The following SLC29A3 variants were observed in gnomAD, a reference collection of about 807,000 sequenced individuals.
SLC29A3 encodes the protein equilibrative nucleoside transporter 3.
A neutral mutation model predicts 25.4 loss-of-function variants in SLC29A3; 18 were observed. That is an observed-to-expected ratio of 0.71 (90% CI 0.49 to 1.05). The LOEUF (loss-of-function observed/expected upper bound fraction) is 1.05, where lower values mean the gene tolerates loss of function less well. Ranked by LOEUF, SLC29A3 falls within the 50% of genes least tolerant of loss-of-function variation. SLC29A3 has a pLI of 0.00. For missense variants in SLC29A3, 586 were observed against 609.0 expected (o/e 0.96, Z 0.40); for synonymous variants, 258 against 267.1 (o/e 0.97, Z 0.33).
intron 2 of SLC29A3, among the ~76,000 whole-genome samples, chr10:71,341,830 C>T (rs1218048504): frequency 1.3e-5 from 2 of 152,216 alleles, no homozygotes; most frequent in Admixed American, 6.5e-5. Context: ...CTTCCAAGCC[C>T]ACTCCAGTTG....
intron 2 of SLC29A3, among the ~76,000 whole-genome samples, chr10:71,336,736 G>A (rs762387557): frequency 2.0e-5 from 3 of 151,866 alleles, no homozygotes; most frequent in Non-Finnish European, 2.9e-5. Flanking sequence ...CCCTTTTTGC[G>A]GAGTGGAAAG....
chr10:71,335,861 C>G (rs1484604092), intron 2 of SLC29A3, among the ~76,000 whole-genome samples: 1 of 151,984 alleles, frequency 6.6e-6, no homozygotes, highest in Non-Finnish European at 1.5e-5. Context: ...CCACCACCCC[C>G]ACCCTTACAA....
chr10:71,350,317 G>A (rs1188219767), intron 3 of SLC29A3, among the ~76,000 whole-genome samples: 1 of 122,410 alleles, frequency 8.2e-6, no homozygotes, highest in African/African-American at 5.4e-5. Context: ...ACACCTACGT[G>A]TGTGTGTGTG....
chr10:71,372,479 T>C (rs544793362), intron 3 of SLC29A3, among the ~76,000 whole-genome samples: 10 of 152,200 alleles, frequency 6.6e-5, no homozygotes, highest in Admixed American at 1.3e-4. Flanking sequence ...ACTCCCAGAG[T>C]CCCTGATTCC....
At chr10:71,352,360 G>C (rs903162440) in intron 4 of SLC29A3, among the ~76,000 whole-genome samples, 2 of 152,206 alleles carry the variant, frequency 1.3e-5, no homozygotes, top group South Asian at 2.1e-4. Flanking sequence ...CACCGTGACT[G>C]TGAGAAGGTA....
At chr10:71,355,018 C>G (rs1366730427) in intron 4 of SLC29A3, among the ~76,000 whole-genome samples, 1 of 152,210 alleles carries the variant, frequency 6.6e-6, no homozygotes, top group South Asian at 2.1e-4. Flanking sequence ...TTCGAAGGAA[C>G]AGAAAGACAT....
chr10:71,381,154 C>T (rs1847300515), exon 5 of SLC29A3: 1 of 152,202 alleles, frequency 6.6e-6, no homozygotes, highest in Non-Finnish European at 1.5e-5. Context: ...TCCAAACCCA[C>T]AGAATGTACA....
downstream of SLC29A3, among the ~76,000 whole-genome samples, chr10:71,367,050 C>A (rs550629170): frequency 2.6e-5 from 4 of 152,262 alleles, no homozygotes; most frequent in Non-Finnish European, 5.9e-5. Context: ...AGTCAGGTAG[C>A]CATAGAGCTG....
At chr10:71,330,617 C>G (rs557921776) in intron 2 of SLC29A3, among the ~76,000 whole-genome samples, 1 of 152,324 alleles carries the variant, frequency 6.6e-6, no homozygotes, top group East Asian at 1.9e-4. Context: ...GCCCACAGAC[C>G]CACCTGGCAG....
chr10:71,332,261 T>C (rs1846138447), intron 2 of SLC29A3, among the ~76,000 whole-genome samples: 1 of 151,814 alleles, frequency 6.6e-6, no homozygotes. Flanking sequence ...GTGATTCTGC[T>C]GCCTCAGCCT....
Position 71,362,761 on chromosome 10 carries a change from AGC to A in SLC29A3, c.*154_*155del. The A allele has an allele frequency of 1.1e-6, 1 of 931,176 alleles. No individual in the cohort carries two copies. Among genetic ancestry groups the A allele is most frequent in the Non-Finnish European group, 1.7e-6 (1 of 592,178 alleles). 57.7% of individuals were successfully genotyped at this position (931,176 alleles called of 1,614,324 possible). On this transcript the variant is annotated 3_prime_UTR_variant, in exon 6 of 6. Coordinates refer to ENST00000373189, the MANE Select transcript of SLC29A3 (RefSeq NM_018344.6). ...CCTCATCCCTCCCAAGATGCCAGTG[AGC>A]CACGTCCATGCCCATTCCGTGCAAG... is the stretch of plus-strand genomic sequence containing the variant.
chr10:71,367,393 C>T (rs1467103441), downstream of SLC29A3, among the ~76,000 whole-genome samples: 3 of 152,184 alleles, frequency 2.0e-5, no homozygotes, highest in Non-Finnish European at 4.4e-5. Context: ...TGTGAGTCAA[C>T]CTTCCTGAGT....
rs758148299 is a variant in SLC29A3 at position 71,344,317 on chromosome 10, G to C, written c.383+26G>C. On this transcript the variant is annotated intron_variant, in intron 3 of 5. Transcript: ENST00000373189. ...GTAGGCGACTCTCTTCCCTCTCTCA[G>C]GCCTCTGCCTTGGTCTCCTGCCTCC... The C allele has an allele frequency of 2.5e-6, 4 of 1,576,262 alleles. No homozygotes were observed. In the Admixed American group the frequency reaches 5.0e-5, roughly 20 times the overall value.
chr10:71,337,151 C>G (rs780658), intron 2 of SLC29A3, among the ~76,000 whole-genome samples: 32,597 of 152,204 alleles, frequency 0.21, 4,262 homozygotes, highest in African/African-American at 0.36. Context: ...GCATTGCCCC[C>G]CTTCCCTGCC....
At chr10:71,374,097 A>G (rs1356794957) in intron 3 of SLC29A3, among the ~76,000 whole-genome samples, 1 of 152,246 alleles carries the variant, frequency 6.6e-6, no homozygotes, top group African/African-American at 2.4e-5. Context: ...AACACCTGGT[A>G]TAGGGCCTCC....
rs758975664 is a variant in SLC29A3 at position 71,356,073 on chromosome 10, C to A, written c.611-8C>A. ...TCACCATCTCTGCGTGTCCTCTGTT[C>A]TCTGCAGGAGGAGCCATGGGCGGGA... On this transcript the variant is annotated splice_polypyrimidine_tract_variant and splice_region_variant and intron_variant, in intron 4 of 5. Transcript: ENST00000373189. 1.2e-6 allele frequency: 2 copies of A among 1,613,654 alleles called. No individual in the cohort carries two copies. The highest frequency in any genetic ancestry group is 1.7e-6 in the Non-Finnish European group (2 of 1,180,046).
chr10:71,376,144 C>G (rs568883622), intron 4 of SLC29A3, among the ~76,000 whole-genome samples: 1 of 152,216 alleles, frequency 6.6e-6, no homozygotes, highest in South Asian at 2.1e-4. Context: ...CCAGATTGTT[C>G]CTGTCCTAAG....
chr10:71,365,694 G>T (rs1847165327), downstream of SLC29A3: 1 of 152,096 alleles, frequency 6.6e-6, no homozygotes, highest in Non-Finnish European at 1.5e-5. Flanking sequence ...TCCATCTCCA[G>T]GCAGAAGGGT....
In SLC29A3 at chr10:71,362,129, T is replaced by C; in HGVS notation, c.949T>C (p.Phe317Leu). ...GGGCTTCTGTGTCACCTACGTCTTC[T>C]TCATCACCAGCCTCATCTACCCCGC... ...SLGFCVTYVF[F>L]ITSLIYPAIC... The change falls in exon 6 of 6, where the codon TTC (phenylalanine) becomes CTC (leucine). Residue 317 changes from phenylalanine (F) to leucine (L), a missense_variant. Coordinates refer to ENST00000373189, the MANE Select transcript of SLC29A3 (RefSeq NM_018344.6). 5 of 1,614,072 alleles carry C rather than the reference T, an allele frequency of 3.1e-6. No homozygotes were observed. The highest frequency in any genetic ancestry group is 4.2e-6 in the Non-Finnish European group (5 of 1,179,980).
Sources: gnomAD v4.1 joint callset for allele counts (sites outside exome capture counted in the v4.1 genomes callset) on GRCh38, gnomAD v4.1.1 for gene constraint, MANE v1.5 for transcripts, NCBI Gene and HGNC (gene_info 2026-07-23, HGNC 2026-07-21) for gene names.